The following GRM7 variants were observed in gnomAD, a reference collection of about 807,000 sequenced individuals.
GRM7 encodes glutamate metabotropic receptor 7, also known as metabotropic glutamate receptor 7.
Under a neutral mutation model 84.5 loss-of-function variants are expected in GRM7, and 35 were observed. That is an observed-to-expected ratio of 0.41 (90% confidence interval 0.32 to 0.55). The LOEUF (loss-of-function observed/expected upper bound fraction) is 0.55, where lower values mean the gene tolerates loss of function less well. Ranked by LOEUF, GRM7 falls within the 20% of genes least tolerant of loss-of-function variation. GRM7 has a pLI of 0.19. For missense variants in GRM7, 1,003 were observed against 1,194.6 expected, an observed-to-expected ratio of 0.84 and a Z score of 2.36; for synonymous variants, 487 against 455.1, an observed-to-expected ratio of 1.07 and a Z score of -0.89.
rs1697825732 is a variant in GRM7 at position 7,452,735 on chromosome 3, G to A, written c.1303G>A (p.Gly435Ser). 2 of 1,613,456 alleles carry A rather than the reference G, an allele frequency of 1.2e-6. No homozygotes were observed. Among genetic ancestry groups the A allele is most frequent in the Non-Finnish European group, 1.7e-6 (2 of 1,179,616 alleles). ...CAAGGATCTCTGTGCTGACTACCGGGGTGTCTGCCCAGAGATGGAGCAAGC... is the reference window on the plus strand; with the variant it reads ...CAAGGATCTCTGTGCTGACTACCGGAGTGTCTGCCCAGAGATGGAGCAAGC... ...MNKDLCADYR[G>S]VCPEMEQAGG... The change falls in exon 6 of 10, where the codon GGT becomes AGT. Residue 435 changes from glycine (G) to serine (S), a missense_variant. By Grantham distance (56) the Gly-to-Ser change is moderately conservative. Transcript: ENST00000357716.
At chr3:7,291,868 AG>A (rs1699641224) in intron 2 of GRM7, among the ~76,000 whole-genome samples, 1 of 152,068 alleles carries the variant, frequency 6.6e-6, no homozygotes, top group Non-Finnish European at 1.5e-5. Flanking sequence ...ATGTTGTGGG[AG>A]GGGCCCAGTG....
At position 7,358,744 on chromosome 3, in the gene GRM7, TTATA is replaced by T. The variant is rs1693520892; in HGVS notation, c.1033+52093_1033+52096del. Among the ~76,000 whole-genome samples the T allele has an allele frequency of 4.0e-5, 5 of 125,016 alleles. 1 individual carries two copies. The highest frequency in any genetic ancestry group is 6.9e-5 in the African/African-American group (2 of 28,878). 82.0% of individuals were successfully genotyped at this position (125,016 alleles called of 152,430 possible). ...TTCTCTTTTGAATACATATTATTTT[TTATA>T]GGTGACTGCCCCTTTTCATAATTTA... On this transcript the variant is annotated intron_variant, in intron 4 of 9. Coordinates refer to ENST00000357716, the MANE Select transcript of GRM7 (RefSeq NM_000844.4).
At chr3:7,295,482 T>C (rs977248707) in intron 2 of GRM7, among the ~76,000 whole-genome samples, 3 of 152,122 alleles carry the variant, frequency 2.0e-5, no homozygotes, top group East Asian at 1.9e-4. Flanking sequence ...TACCTTTCCA[T>C]ATAAATGTTA....
intron 2 of GRM7, among the ~76,000 whole-genome samples, chr3:7,226,091 G>T (rs953157503): frequency 3.3e-5 from 5 of 152,120 alleles, no homozygotes; most frequent in African/African-American, 4.8e-5. Flanking sequence ...CCTACTCTCT[G>T]ATAGGTGCTG....
chr3:7,246,919 A>G (rs961064553), intron 2 of GRM7, among the ~76,000 whole-genome samples: 3 of 152,196 alleles, frequency 2.0e-5, no homozygotes, highest in African/African-American at 7.2e-5. Flanking sequence ...AAAACTTAAC[A>G]TAAATCTATA....
intron 2 of GRM7, among the ~76,000 whole-genome samples, chr3:7,194,464 G>A (rs987072469): frequency 2.6e-5 from 4 of 152,108 alleles, no homozygotes; most frequent in African/African-American, 9.7e-5. Context: ...TCCTCCTACA[G>A]TTTAAGTCCT....
At chr3:7,267,897 GT>G (rs1698705426) in intron 2 of GRM7, among the ~76,000 whole-genome samples, 1 of 151,506 alleles carries the variant, frequency 6.6e-6, no homozygotes, top group Non-Finnish European at 1.5e-5. Context: ...CAAATTCTAT[GT>G]TTTTTTTCAG....
At chr3:7,670,094 C>G (rs980418991) in intron 8 of GRM7, among the ~76,000 whole-genome samples, 1 of 152,168 alleles carries the variant, frequency 6.6e-6, no homozygotes, top group African/African-American at 2.4e-5. Context: ...GGCACATTAC[C>G]TAGATGTGCT....
At position 7,301,702 on chromosome 3, in the gene GRM7, A is replaced by G. The variant is rs552058698; in HGVS notation, c.878+2877A>G. Among the ~76,000 whole-genome samples the G allele has an allele frequency of 2.9e-3, 435 of 152,292 alleles. 2 individuals carry two copies. The highest frequency in any genetic ancestry group is 4.9e-3 in the Non-Finnish European group (333 of 68,016). ...GTGTTAAACATTATTGTATATTGTC[A>G]TTCATAATAGTGATGACAATAATTA... On this transcript the variant is annotated intron_variant, in intron 3 of 9. Transcript: ENST00000357716.
chr3:7,562,719 T>G (rs1694082465), intron 7 of GRM7, among the ~76,000 whole-genome samples: 1 of 152,124 alleles, frequency 6.6e-6, no homozygotes, highest in Non-Finnish European at 1.5e-5. Flanking sequence ...AATGGTTTGT[T>G]CTATACTCAA....
chr3:7,390,583 G>A (rs550717530), intron 4 of GRM7, among the ~76,000 whole-genome samples: 2 of 151,734 alleles, frequency 1.3e-5, no homozygotes, highest in South Asian at 4.2e-4. Flanking sequence ...TGGTCTAATT[G>A]GGTTGATTTG....
At chr3:7,538,264 C>T (rs577389493) in intron 7 of GRM7, among the ~76,000 whole-genome samples, 2 of 152,180 alleles carry the variant, frequency 1.3e-5, no homozygotes, top group Non-Finnish European at 1.5e-5. Context: ...AGTGCGCAAC[C>T]ACGCCCAGCT....
chr3:6,870,339 C>A (rs1695080922), intron 1 of GRM7, among the ~76,000 whole-genome samples: 1 of 152,082 alleles, frequency 6.6e-6, no homozygotes, highest in South Asian at 2.1e-4. Flanking sequence ...GAAGACCACT[C>A]CCTGGGAGTA....
At position 7,293,034 on chromosome 3, in the gene GRM7, CA is replaced by C. The variant is rs142561309; in HGVS notation, c.737-5633del. Among the ~76,000 whole-genome samples, 1,141 of 120,540 alleles carry C rather than the reference CA, an allele frequency of 9.5e-3. 10 individuals are homozygous for C. Among genetic ancestry groups the C allele is most frequent in the African/African-American group, 0.024 (766 of 32,366 alleles). The allele number at this position is 120,540 out of a possible 152,430, so 79.1% of individuals were successfully genotyped here. ...GGGGGACAAGAGCGAGACTTGGTCTCAAAAAAAAAAAAAAAAATTGAGCTTT... is the reference window on the plus strand; with the variant it reads ...GGGGGACAAGAGCGAGACTTGGTCTCAAAAAAAAAAAAAAAATTGAGCTTT... On this transcript the variant is annotated intron_variant, in intron 2 of 9. Transcript: ENST00000357716.
intron 8 of GRM7, among the ~76,000 whole-genome samples, chr3:7,608,801 C>T (rs952264372): frequency 1.3e-5 from 2 of 152,030 alleles, no homozygotes; most frequent in Non-Finnish European, 2.9e-5. Context: ...TTCCTATGTC[C>T]GGGATAGTAA....
intron 7 of GRM7, among the ~76,000 whole-genome samples, chr3:7,547,319 G>A (rs966304696): frequency 7.0e-6 from 1 of 143,618 alleles, no homozygotes; most frequent in South Asian, 2.3e-4. Context: ...CCATTCTCCT[G>A]CCTCAGCCTC....
chr3:7,050,865 C>A (rs1317328387), intron 1 of GRM7, among the ~76,000 whole-genome samples: 2 of 151,786 alleles, frequency 1.3e-5, no homozygotes, highest in African/African-American at 2.4e-5. Context: ...GTGTTTGATT[C>A]AAAACCAATT....
At chr3:6,994,064 GTAATGTGATCATA>G (rs1297627533) in intron 1 of GRM7, among the ~76,000 whole-genome samples, 1 of 152,142 alleles carries the variant, frequency 6.6e-6, no homozygotes, top group East Asian at 1.9e-4. Flanking sequence ...TAACATCTTA[GTAATGTGATCATA>G]TAAAGGGATC....
intron 1 of GRM7, among the ~76,000 whole-genome samples, chr3:7,000,168 CT>C (rs35703323): frequency 0.92 from 71,324 of 77,736 alleles, 32,801 homozygotes; most frequent in Non-Finnish European, 0.94. Context: ...GAGGTTGTGA[CT>C]TTTTTTTTTT....
Sources: allele counts gnomAD v4.1 joint callset (sites outside exome capture counted in the v4.1 genomes callset), GRCh38; gene constraint gnomAD v4.1.1; transcripts MANE v1.5; gene names NCBI Gene and HGNC (gene_info 2026-07-23, HGNC 2026-07-21).